Variants in MRPS6 observed in about 807,000 individuals in gnomAD.
MRPS6 encodes small ribosomal subunit protein bS6m.
A neutral mutation model predicts 13.1 loss-of-function variants in MRPS6; 6 were observed. The ratio of observed to expected loss-of-function variants is 0.46; its 90% confidence interval spans 0.25 to 0.91. The LOEUF is 0.91. Ranked by LOEUF, MRPS6 falls within the 40% of genes least tolerant of loss-of-function variation. The probability of loss-of-function intolerance (pLI) is 0.18; values close to 1 mark genes in which losing one functional copy is unlikely to be tolerated. For missense variants in MRPS6, 164 were observed against 155.6 expected (o/e 1.05, Z -0.29); for synonymous variants, 61 against 56.5 (o/e 1.08, Z -0.36).
intron 1 of MRPS6, among the ~76,000 whole-genome samples, chr21:34,078,534 T>A (rs1989386668): frequency 6.6e-6 from 1 of 152,170 alleles, no homozygotes; most frequent in South Asian, 2.1e-4. Flanking sequence ...TTCTAGATTT[T>A]AAAAATCTAG....
intron 1 of MRPS6, chr21:34,106,374 G>A (rs1979475893): frequency 5.6e-6 from 1 of 177,866 alleles, no homozygotes; most frequent in African/African-American, 2.4e-5. Flanking sequence ...CCCATGAATG[G>A]TTTCCAGTGA....
Position 34,096,751 on chromosome 21 carries a change from T to C in MRPS6, c.45+23006T>C. ...CATTATATGTATGTGGCCACAGGAT[T>C]GTTTTGGGTCACGGGACTCATTACT... On this transcript the variant is annotated intron_variant, in intron 1 of 2. Transcript: ENST00000399312. This position sits in a 1 kb window ranked among gnomAD's most constrained non-coding sequence, Gnocchi z 5.9. 6.2e-7 allele frequency: 1 copy of C among 1,614,076 alleles called. No homozygotes were observed.
At chr21:34,103,337 A>G in intron 1 of MRPS6, 2 of 986,106 alleles carry the variant, frequency 2.0e-6, no homozygotes, top group Non-Finnish European at 2.4e-6. Flanking sequence ...AAAAACATGC[A>G]TTACATTGAC....
intron 1 of MRPS6, chr21:34,097,742 ATTT>A: frequency 1.0e-6 from 1 of 1,001,162 alleles, no homozygotes; most frequent in Non-Finnish European, 1.2e-6. Context: ...TCATTTCTAA[ATTT>A]TTTTTTCTGT....
At chr21:34,133,637 C>T (rs1359775929) in intron 2 of MRPS6, among the ~76,000 whole-genome samples, 4 of 152,146 alleles carry the variant, frequency 2.6e-5, no homozygotes, top group African/African-American at 7.2e-5. Context: ...ATGGAGCACT[C>T]GGCAGTGGTG....
intron 1 of MRPS6, chr21:34,098,541 G>A (rs537892518): frequency 1.0e-6 from 1 of 1,000,236 alleles, no homozygotes; most frequent in South Asian, 4.7e-5. Flanking sequence ...GCATAAGGAT[G>A]TTTCAGTGCA....
chr21:34,142,333 A>G, intron 2 of MRPS6, 75 bp from the exon 3 acceptor site: 3 of 1,488,022 alleles, frequency 2.0e-6, no homozygotes, highest in Non-Finnish European at 2.7e-6. Flanking sequence ...GAAGAGTAAA[A>G]TGGAAACACT....
At chr21:34,122,292 A>G (rs1396376858) in intron 1 of MRPS6, 2 of 152,228 alleles carry the variant, frequency 1.3e-5, no homozygotes, top group African/African-American at 4.8e-5. Flanking sequence ...ATTTGGCCCA[A>G]GAGCCCTGGT....
At chr21:34,117,695 G>A (rs894209697) in intron 1 of MRPS6, among the ~76,000 whole-genome samples, 2 of 152,092 alleles carry the variant, frequency 1.3e-5, no homozygotes, top group Non-Finnish European at 2.9e-5. Flanking sequence ...CTAAGTTTCA[G>A]CTTACATTTC....
chr21:34,103,499 T>C, intron 1 of MRPS6: 1 of 999,420 alleles, frequency 1.0e-6, no homozygotes, highest in Non-Finnish European at 1.2e-6. Context: ...CATTGTAGGT[T>C]GATAGGTATA....
At chr21:34,099,281 G>C in intron 1 of MRPS6, 1 of 1,000,146 alleles carries the variant, frequency 1.0e-6, no homozygotes, top group South Asian at 4.7e-5. Flanking sequence ...TTGAGGCTGC[G>C]ACATGTCCAA....
intron 2 of MRPS6, among the ~76,000 whole-genome samples, chr21:34,132,763 C>A (rs1980549493): frequency 6.6e-6 from 1 of 152,152 alleles, no homozygotes; most frequent in Non-Finnish European, 1.5e-5. Flanking sequence ...GCTGCGTTGT[C>A]TTTATGGTCC....
intron 1 of MRPS6, among the ~76,000 whole-genome samples, chr21:34,084,114 G>A (rs1989518450): frequency 6.7e-6 from 1 of 148,930 alleles, no homozygotes; most frequent in Admixed American, 6.7e-5. Context: ...CTCTTTTTGT[G>A]GTCTTACTTC....
chr21:34,137,871 TA>T (rs1356703200), intron 2 of MRPS6, among the ~76,000 whole-genome samples: 1 of 152,194 alleles, frequency 6.6e-6, no homozygotes, highest in Non-Finnish European at 1.5e-5. Context: ...GTTTCTTTTT[TA>T]GTTTGTTAAT....
At chr21:34,082,280 T>C (rs1172241096) in intron 1 of MRPS6, among the ~76,000 whole-genome samples, 1 of 152,202 alleles carries the variant, frequency 6.6e-6, no homozygotes, top group East Asian at 1.9e-4. Context: ...GCATATTCAA[T>C]TCTTGAAAGT....
intron 1 of MRPS6, among the ~76,000 whole-genome samples, chr21:34,086,553 TC>T (rs1481164050): frequency 6.6e-6 from 1 of 150,908 alleles, no homozygotes; most frequent in African/African-American, 2.5e-5. Flanking sequence ...GTGTGTATCT[TC>T]CTGAAAGGTG....
At chr21:34,097,719 G>A in intron 1 of MRPS6, 1 of 1,009,844 alleles carries the variant, frequency 9.9e-7, no homozygotes, top group Non-Finnish European at 1.2e-6. Context: ...TTACCCTGAA[G>A]TAGAAGATTT....
At chr21:34,079,781 C>G (rs1055437856) in intron 1 of MRPS6, among the ~76,000 whole-genome samples, 1 of 151,690 alleles carries the variant, frequency 6.6e-6, no homozygotes, top group African/African-American at 2.4e-5. Flanking sequence ...GATTTGCCAC[C>G]TTTTTTAACA....
At chr21:34,097,537 T>C in intron 1 of MRPS6, 8 of 1,381,988 alleles carry the variant, frequency 5.8e-6, no homozygotes, top group Non-Finnish European at 7.5e-6. Context: ...AAGTAAATCT[T>C]CAACTTAAGT....
Sources: allele counts gnomAD v4.1 joint callset (sites outside exome capture counted in the v4.1 genomes callset), GRCh38; gene constraint gnomAD v4.1.1; non-coding constraint Gnocchi (gnomAD v3.1); transcripts MANE v1.5; gene names NCBI Gene and HGNC (gene_info 2026-07-23, HGNC 2026-07-21).